Variants in TAL1 observed in about 807,000 individuals in gnomAD.
TAL1 encodes T-cell acute lymphocytic leukemia protein 1.
TAL1 carries 8 observed loss-of-function variants against 17.9 expected under a neutral mutation model. The observed-to-expected ratio is 0.45, with a 90% CI of 0.26 to 0.81. The LOEUF (loss-of-function observed/expected upper bound fraction) is 0.81. TAL1 is among the 30% of genes least tolerant of loss of function. TAL1 has a pLI of 0.17. For missense variants in TAL1, 466 were observed against 486.9 expected, an observed-to-expected ratio of 0.96 and a Z score of 0.40; for synonymous variants, 223 against 218.6, an observed-to-expected ratio of 1.02 and a Z score of -0.18.
At chr1:47,225,922 G>A in intron 1 of TAL1, 33 bp from the exon 3 acceptor site, 1 of 1,562,248 alleles carries the variant, frequency 6.4e-7, no homozygotes. Context: ...GCGGATGCCC[G>A]CTCTGACGAC....
At chr1:47,216,791 G>A (rs1234442877) in exon 4 of TAL1, 31 of 231,392 alleles carry the variant, frequency 1.3e-4, no homozygotes, top group Middle Eastern at 1.3e-3. Flanking sequence ...TTCTCAAAAT[G>A]TTGTTTTGTT....
In TAL1 at chr1:47,218,003, G is replaced by A. The variant is rs1477701660; in HGVS notation, c.*1717C>T. The A allele has an allele frequency of 1.1e-4, 40 of 365,228 alleles. 1 individual carries two copies. The East Asian group carries it at 1.6e-3, about 14-fold the overall frequency. The allele number at this position is 365,228 out of a possible 1,614,324, so 22.6% of individuals were successfully genotyped here. ...AGAATTGGACCTTACTTAAAAGGAA[G>A]GGGAAAGGAGCAGACATATTCTCTG... is the stretch of plus-strand genomic sequence containing the variant. On this transcript the variant is annotated 3_prime_UTR_variant, in exon 4 of 4. Transcript: ENST00000294339.
chr1:47,219,777 C>A lies in TAL1; in HGVS notation c.939G>T (p.Thr313=), dbSNP rs765390100. ...GCATGGCAGGATGGAGGCTGCGGGC[C>A]GTGTGCTTGGGCGCGGGCTCCTCCG... The change falls in exon 4 of 4, where the codon ACG becomes ACT. Residue 313 remains threonine (T), a synonymous_variant. Transcript: ENST00000294339. 6.8e-6 allele frequency: 11 copies of A among 1,611,432 alleles called. 1 individual carries two copies. The highest frequency in any genetic ancestry group is 3.3e-4 in the Middle Eastern group (2 of 6,082).
At chr1:47,221,432 A>T (rs562584708) in intron 3 of TAL1, among the ~76,000 whole-genome samples, 2 of 152,326 alleles carry the variant, frequency 1.3e-5, no homozygotes, top group African/African-American at 4.8e-5. Flanking sequence ...ACACATGTCT[A>T]GGGCACTTAT....
intron 3 of TAL1, chr1:47,223,697 G>C (rs187284867): frequency 1.5e-5 from 4 of 265,150 alleles, no homozygotes; most frequent in African/African-American, 8.7e-5. Flanking sequence ...AATGGAGCCC[G>C]GACTGGGGAC....
At position 47,222,495 on chromosome 1, in the gene TAL1, T is replaced by C. The variant is rs6685938; in HGVS notation, c.541+1509A>G. On this transcript the variant is annotated intron_variant, in intron 3 of 3. Coordinates refer to ENST00000294339, the Ensembl canonical transcript of TAL1. ...ATAGTAGGTGTCCAATACATGGTAG[T>C]AGCAATTCAGCAACAGGAATCCACA... 1.0e-2 allele frequency among the ~76,000 whole-genome samples: 1,515 copies of C among 152,256 alleles called. 28 individuals are homozygous for C. The highest frequency in any genetic ancestry group is 0.034 in the African/African-American group (1,432 of 41,520).
At chr1:47,229,650 G>A (rs935740263) in exon 1 of TAL1, 1 of 154,204 alleles carries the variant, frequency 6.5e-6, no homozygotes, top group African/African-American at 2.4e-5. Context: ...GAACATTTTC[G>A]AACCCTCCAA....
chr1:47,225,836 C>G lies in TAL1; in HGVS notation c.53G>C (p.Gly18Ala), dbSNP rs1481023152. The change falls in exon 2 of 4, where the codon GGA becomes GCA. Residue 18 changes from glycine (G) to alanine (A), a missense_variant. By Grantham distance (60) the Gly-to-Ala change is moderately conservative (BLOSUM62 0). Transcript: ENST00000294339. ...CATGCTGGCCTCGGCCGCGTCCCGTCCCTCTAGCTGGGGGTCACTGCGAGC... is the reference window on the plus strand; with the variant it reads ...CATGCTGGCCTCGGCCGCGTCCCGTGCCTCTAGCTGGGGGTCACTGCGAGC... The G allele has an allele frequency of 2.5e-6, 4 of 1,583,456 alleles. No homozygotes were observed. The African/African-American group carries it at 4.1e-5, about 16-fold the overall frequency.
intron 3 of TAL1, among the ~76,000 whole-genome samples, chr1:47,222,822 C>A (rs1253831780): frequency 1.3e-5 from 2 of 152,114 alleles, no homozygotes; most frequent in Non-Finnish European, 2.9e-5. Context: ...CCTGCACACC[C>A]CACAAACCCT....
chr1:47,219,875 G>A, exon 4 of TAL1: 1 of 1,587,014 alleles, frequency 6.3e-7, no homozygotes, highest in East Asian at 2.2e-5. Flanking sequence ...ACGTCTTGCA[G>A]GAGGTCATCT....
At chr1:47,224,069 G>A (rs1269362258) in exon 3 of TAL1, 7 of 1,613,888 alleles carry the variant, frequency 4.3e-6, no homozygotes, top group Non-Finnish European at 5.9e-6. Flanking sequence ...GGTGAACATA[G>A]GGAAGGCATC....
chr1:47,231,953 G>A (rs1644021367), upstream of TAL1, among the ~76,000 whole-genome samples: 2 of 152,216 alleles, frequency 1.3e-5, no homozygotes, highest in African/African-American at 2.4e-5. Flanking sequence ...AAGGAAGGAA[G>A]AGAGTCTCCG....
chr1:47,219,846 G>A (rs751799128), exon 4 of TAL1: 1 of 1,599,600 alleles, frequency 6.3e-7, no homozygotes, highest in African/African-American at 1.3e-5. Context: ...AGCTGCCGCA[G>A]CTGGAGTTGG....
At chr1:47,225,332 C>T (rs1643890429) in intron 2 of TAL1, 111 bp downstream of exon 3, 5 of 1,040,094 alleles carry the variant, frequency 4.8e-6, no homozygotes, top group Non-Finnish European at 6.1e-6. Flanking sequence ...CTGCGCTCCA[C>T]CCGCTCGGCC....
chr1:47,232,278 G>A (rs1301040920), upstream of TAL1: 2 of 157,224 alleles, frequency 1.3e-5, no homozygotes, highest in Non-Finnish European at 2.8e-5. Context: ...CGCCCGCCCG[G>A]CCCCTCCACC....
chr1:47,228,608 C>T (rs1643950052), intron 1 of TAL1: 1 of 173,928 alleles, frequency 5.7e-6, no homozygotes, highest in South Asian at 2.0e-4. Context: ...CAGAGAATTT[C>T]TTAGATGAAA....
exon 4 of TAL1, chr1:47,219,897 G>GCCCCCCCAC: frequency 6.6e-7 from 1 of 1,506,196 alleles, no homozygotes; most frequent in Non-Finnish European, 9.0e-7. Flanking sequence ...GGGGCGCGCC[G>GCCCCCCCAC]CCCCCTCCCC....
intron 1 of TAL1, 130 bp from the exon 3 acceptor site, chr1:47,226,019 CAA>C (rs1233599692): frequency 1.5e-6 from 1 of 674,240 alleles, no homozygotes; most frequent in African/African-American, 2.2e-5. Flanking sequence ...AAGAGGCAGA[CAA>C]AGTTAGCGCC....
chr1:47,225,495 G>C, exon 2 of TAL1: 1 of 1,235,450 alleles, frequency 8.1e-7, no homozygotes, highest in Non-Finnish European at 1.0e-6. Flanking sequence ...GCGCGGCCGG[G>C]GGCGGCGGGG....
Sources: allele counts gnomAD v4.1 joint callset (sites outside exome capture counted in the v4.1 genomes callset), GRCh38; gene constraint gnomAD v4.1.1; transcripts MANE v1.5; gene names NCBI Gene and HGNC (gene_info 2026-07-23, HGNC 2026-07-21).